Variants in ANKRD55 observed in about 807,000 individuals in gnomAD.
The protein encoded by ANKRD55 is ankyrin repeat domain 55.
In ANKRD55, 41 loss-of-function variants were observed where a neutral mutation model predicts 60.6. The observed-to-expected ratio is 0.68, with a 90% confidence interval of 0.53 to 0.88. The LOEUF (loss-of-function observed/expected upper bound fraction) is 0.88. Among genes scored for constraint, ANKRD55 ranks in the 40% least tolerant of loss-of-function variants. ANKRD55 has a pLI of 0.00. For synonymous variants in ANKRD55, 264 were observed against 290.3 expected (o/e 0.91, Z 0.92); for missense variants, 732 against 767.6 (o/e 0.95, Z 0.55).
At chr5:56,167,025 A>C (rs1758500183) in intron 5 of ANKRD55, among the ~76,000 whole-genome samples, 1 of 152,242 alleles carries the variant, frequency 6.6e-6, no homozygotes, top group African/African-American at 2.4e-5. Context: ...ATGGACCTAA[A>C]ATTTCTCAAA....
At chr5:56,107,010 T>TAAAAA in intron 10 of ANKRD55, among the ~76,000 whole-genome samples, 1 of 114,548 alleles carries the variant, frequency 8.7e-6, no homozygotes, top group African/African-American at 3.2e-5. Context: ...TATCTCTCTC[T>TAAAAA]AAAAAAAAAA....
chr5:56,148,881 C>T (rs1281829718), intron 6 of ANKRD55, among the ~76,000 whole-genome samples: 3 of 152,170 alleles, frequency 2.0e-5, no homozygotes, highest in African/African-American at 7.2e-5. Context: ...TAGCAGGTGT[C>T]TGCTGGCTGA....
rs184934293 is a variant in ANKRD55 at position 56,162,405 on chromosome 5, T to C, written c.423-2512A>G. 6.6e-3 allele frequency among the ~76,000 whole-genome samples: 1,012 copies of C among 152,230 alleles called. 2 individuals are homozygous for C. Among genetic ancestry groups the C allele is most frequent in the Admixed American group, 0.012 (188 of 15,280 alleles). On this transcript the variant is annotated intron_variant, in intron 5 of 11. Transcript: ENST00000341048. ...TTGGCTTCCTATCGGGTTTTGCCGA[T>C]GGGGGAACTGGCAGGAGGAGGGAGA...
intron 2 of ANKRD55, among the ~76,000 whole-genome samples, chr5:56,214,605 C>T (rs1231771611): frequency 1.3e-5 from 2 of 152,204 alleles, no homozygotes; most frequent in Non-Finnish European, 2.9e-5. Context: ...ATCTGAGTGT[C>T]CAATCAGCTC....
At chr5:56,195,405 T>A (rs1010285757) in intron 2 of ANKRD55, among the ~76,000 whole-genome samples, 2 of 152,190 alleles carry the variant, frequency 1.3e-5, no homozygotes, top group Admixed American at 1.3e-4. Context: ...TTATGCCAAT[T>A]TTACATGGCT....
At chr5:56,160,097 A>G (rs1758290033) in intron 5 of ANKRD55, among the ~76,000 whole-genome samples, 1 of 152,160 alleles carries the variant, frequency 6.6e-6, no homozygotes, top group South Asian at 2.1e-4. Context: ...GTGGAGGGCT[A>G]CTGTCTGCCT....
intron 8 of ANKRD55, among the ~76,000 whole-genome samples, chr5:56,120,479 A>G (rs1262444973): frequency 1.3e-5 from 2 of 152,228 alleles, no homozygotes; most frequent in African/African-American, 2.4e-5. Context: ...GGAAGGGAAA[A>G]GTATTTTTGC....
intron 8 of ANKRD55, among the ~76,000 whole-genome samples, chr5:56,121,073 G>A (rs952421307): frequency 1.3e-5 from 2 of 152,064 alleles, no homozygotes; most frequent in African/African-American, 2.4e-5. Flanking sequence ...TGGCGCCCGT[G>A]CCCAAGCACA....
At chr5:56,159,131 C>T (rs778682430) in intron 6 of ANKRD55, among the ~76,000 whole-genome samples, 27 of 152,192 alleles carry the variant, frequency 1.8e-4, no homozygotes, top group South Asian at 4.1e-4. Flanking sequence ...CACTGGCACG[C>T]GCCACTACAC....
At chr5:56,227,890 C>T (rs1760159104) in intron 2 of ANKRD55, among the ~76,000 whole-genome samples, 1 of 152,196 alleles carries the variant, frequency 6.6e-6, no homozygotes, top group South Asian at 2.1e-4. Flanking sequence ...AACATTCGCT[C>T]TTGTCAATAT....
At chr5:56,198,443 G>A (rs1340787380) in intron 2 of ANKRD55, among the ~76,000 whole-genome samples, 3 of 151,762 alleles carry the variant, frequency 2.0e-5, no homozygotes, top group Non-Finnish European at 4.4e-5. Context: ...GCACCACCAC[G>A]CCCAGCTCAT....
intron 5 of ANKRD55, among the ~76,000 whole-genome samples, chr5:56,166,139 TTTCTTTCTTTCTTTC>T (rs1204156211): frequency 2.1e-4 from 21 of 101,010 alleles, no homozygotes; most frequent in African/African-American, 9.2e-4. Context: ...TCTTTCTTTC[TTTCTTTCTTTCTTTC>T]TTCTTTCCTT....
At chr5:56,215,412 G>A (rs1037361812) in intron 2 of ANKRD55, among the ~76,000 whole-genome samples, 2 of 152,040 alleles carry the variant, frequency 1.3e-5, no homozygotes, top group African/African-American at 4.8e-5. Context: ...CTGTCACACT[G>A]AGCTGAGGCC....
intron 5 of ANKRD55, among the ~76,000 whole-genome samples, chr5:56,162,644 A>G (rs1488772559): frequency 3.4e-5 from 5 of 148,798 alleles, no homozygotes; most frequent in Non-Finnish European, 5.9e-5. Flanking sequence ...AACATCAACC[A>G]TCATCTCTTG....
At chr5:56,165,875 G>A (rs1758435090) in intron 5 of ANKRD55, among the ~76,000 whole-genome samples, 2 of 152,122 alleles carry the variant, frequency 1.3e-5, no homozygotes, top group Non-Finnish European at 2.9e-5. Context: ...TTTGTGGTAA[G>A]CCAAGATTAC....
chr5:56,128,145 T>C (rs1270647752), intron 7 of ANKRD55, among the ~76,000 whole-genome samples: 1 of 152,176 alleles, frequency 6.6e-6, no homozygotes, highest in Non-Finnish European at 1.5e-5. Flanking sequence ...GCAGTAGCCA[T>C]TCAATAAGGA....
rs549308084 is a variant in ANKRD55, at chr5:56,212,757, C to T, written c.58+20099G>A. ...TCTGGCCTGAAGCCGGGGTTCTCAA[C>T]CACTATGTGGCACTGACCATCAGGG... On this transcript the variant is annotated intron_variant, in intron 2 of 11. Coordinates refer to ENST00000341048, the MANE Select transcript of ANKRD55 (RefSeq NM_024669.3). Among the ~76,000 whole-genome samples, 13 of 152,308 alleles carry T rather than the reference C, an allele frequency of 8.5e-5. No individual in the cohort carries two copies. In the East Asian group the frequency reaches 2.1e-3, roughly 25 times the overall value.
At chr5:56,166,158 T>TTTCTTCCTTCCTTCCTTCCTTCCTTCC (rs1554040812) in intron 5 of ANKRD55, among the ~76,000 whole-genome samples, 2 of 72,460 alleles carry the variant, frequency 2.8e-5, no homozygotes, top group South Asian at 9.0e-4. Flanking sequence ...TTCTTTCTTC[T>TTTCTTCCTTCCTTCCTTCCTTCCTTCC]TTCCTTCCTT....
In ANKRD55 at chr5:56,116,646, C is replaced by T; in HGVS notation, c.934G>A (p.Ala312Thr). 1 of 1,605,486 alleles carries T rather than the reference C, an allele frequency of 6.2e-7. No homozygotes were observed. The highest frequency in any genetic ancestry group is 1.3e-5 in the African/African-American group (1 of 74,296). Residue 312 changes from alanine to threonine, a missense_variant, in exon 9 of 12, where the codon GCG becomes ACG. This residue lies in a region of ANKRD55 where 597 missense variants were observed against 607.5 expected (regional missense o/e 0.98). Transcript: ENST00000341048. The stretch of plus-strand genomic sequence containing the variant: ...TCTTGGGAGAGGAGTTTGACACACG[C>T]CGTGTGACCGCAGTACAGGGCATAG... The part of the protein sequence containing the change: ...LAYALYCGHT[A>T]CVKLLSQESR...
Sources: gnomAD v4.1 joint callset for allele counts (sites outside exome capture counted in the v4.1 genomes callset) on GRCh38, gnomAD v4.1.1 for gene constraint, gnomAD v4.1.1 regional missense constraint, MANE v1.5 for transcripts, NCBI Gene and HGNC (gene_info 2026-07-23, HGNC 2026-07-21) for gene names.